DLG2: variants seen among roughly 807,000 people sequenced by gnomAD.
The protein encoded by DLG2 is disks large homolog 2.
In DLG2, 45 loss-of-function variants were observed where a neutral mutation model predicts 132.5. The observed-to-expected ratio is 0.34, with a 90% CI of 0.27 to 0.44. The LOEUF (loss-of-function observed/expected upper bound fraction) is 0.44. Among genes scored for constraint, DLG2 ranks in the 20% least tolerant of loss-of-function variants. DLG2 has a pLI of 1.00. For synonymous variants in DLG2, 424 were observed against 419.6 expected, an observed-to-expected ratio of 1.01 and a Z score of -0.13; for missense variants, 1,045 against 1,196.9, an observed-to-expected ratio of 0.87 and a Z score of 1.87.
intron 7 of DLG2, among the ~76,000 whole-genome samples, chr11:84,341,175 T>C (rs1410240357): frequency 1.3e-5 from 2 of 152,110 alleles, no homozygotes; most frequent in Non-Finnish European, 2.9e-5. Flanking sequence ...TTCCTCATTA[T>C]TGGGGGTTCT....
intron 7 of DLG2, among the ~76,000 whole-genome samples, chr11:84,419,177 A>C (rs993641038): frequency 2.6e-5 from 4 of 152,196 alleles, no homozygotes; most frequent in African/African-American, 9.6e-5. Flanking sequence ...GCAGAGAGAG[A>C]GAGAGATATT....
chr11:85,304,121 C>T (rs1030125482), intron 3 of DLG2, among the ~76,000 whole-genome samples: 2 of 152,156 alleles, frequency 1.3e-5, no homozygotes, highest in African/African-American at 4.8e-5. Flanking sequence ...CTTGTTGTTA[C>T]ACCTAGCAGA....
At chr11:83,547,447 A>G (rs775587624) in intron 19 of DLG2, among the ~76,000 whole-genome samples, 16 of 152,252 alleles carry the variant, frequency 1.1e-4, no homozygotes, top group Non-Finnish European at 2.2e-4. Flanking sequence ...TAGAAGTGGA[A>G]GAGGAAGACA....
chr11:84,269,619 A>T (rs1377132777), intron 7 of DLG2, among the ~76,000 whole-genome samples: 1 of 152,204 alleles, frequency 6.6e-6, no homozygotes, highest in Non-Finnish European at 1.5e-5. Context: ...ATACACGTTT[A>T]TATCTCTCCC....
intron 21 of DLG2, among the ~76,000 whole-genome samples, chr11:83,500,136 T>G (rs2094393410): frequency 6.6e-6 from 1 of 151,904 alleles, no homozygotes; most frequent in Admixed American, 6.6e-5. Flanking sequence ...TCACATTGCC[T>G]TAGTAACTTA....
intron 15 of DLG2, among the ~76,000 whole-genome samples, chr11:83,906,087 A>C (rs763626409): frequency 0.095 from 7,221 of 75,948 alleles, 185 homozygotes; most frequent in African/African-American, 0.14. Context: ...CTCTCTATAT[A>C]TATATATATA....
intron 3 of DLG2, among the ~76,000 whole-genome samples, chr11:85,523,843 C>A (rs1204315085): frequency 6.6e-6 from 1 of 152,124 alleles, no homozygotes; most frequent in Admixed American, 6.5e-5. Flanking sequence ...TGTCCCTCAA[C>A]AGATGAATGA....
At chr11:84,053,577 G>A (rs1290988948) in intron 11 of DLG2, among the ~76,000 whole-genome samples, 1 of 151,790 alleles carries the variant, frequency 6.6e-6, no homozygotes, top group East Asian at 1.9e-4. Context: ...GGTAATAAGA[G>A]TAAAAAGATT....
intron 3 of DLG2, among the ~76,000 whole-genome samples, chr11:85,526,294 G>C (rs968009662): frequency 2.6e-5 from 4 of 151,800 alleles, no homozygotes; most frequent in Non-Finnish European, 5.9e-5. Context: ...TCTTAAAAGA[G>C]TCAGAGGAAA....
intron 7 of DLG2, among the ~76,000 whole-genome samples, chr11:84,275,998 T>G (rs1019561100): frequency 1.3e-5 from 2 of 152,132 alleles, no homozygotes; most frequent in African/African-American, 4.8e-5. Context: ...GATTATTGTT[T>G]TGGAAGAAAT....
chr11:83,534,110 T>C (rs1174876021), intron 20 of DLG2, among the ~76,000 whole-genome samples: 1 of 152,198 alleles, frequency 6.6e-6, no homozygotes, highest in Non-Finnish European at 1.5e-5. Flanking sequence ...AATATTTCCT[T>C]GATTCTTCTG....
intron 2 of DLG2, among the ~76,000 whole-genome samples, chr11:85,621,104 A>G (rs965745850): frequency 2.6e-5 from 4 of 152,312 alleles, no homozygotes; most frequent in Middle Eastern, 3.4e-3. Context: ...ATTATGCTAA[A>G]TCTATTCTGT....
At chr11:83,485,923 C>A (rs12226167) in intron 21 of DLG2, among the ~76,000 whole-genome samples, 6,228 of 151,998 alleles carry the variant, frequency 0.041, 170 homozygotes, top group South Asian at 0.12. Context: ...ATTGTATGCC[C>A]ATTAATAAGG....
intron 3 of DLG2, among the ~76,000 whole-genome samples, chr11:85,313,181 C>T (rs188996414): frequency 6.6e-6 from 1 of 151,826 alleles, no homozygotes; most frequent in Non-Finnish European, 1.5e-5. Flanking sequence ...ACAGGTGATC[C>T]CCCTTCCTCT....
chr11:84,147,175 G>A (rs749282481), intron 9 of DLG2, among the ~76,000 whole-genome samples: 1 of 151,860 alleles, frequency 6.6e-6, no homozygotes, highest in Non-Finnish European at 1.5e-5. Context: ...CAGCCCCAGA[G>A]GTTCGGATCC....
intron 6 of DLG2, among the ~76,000 whole-genome samples, chr11:84,789,171 G>A (rs1194671177): frequency 2.6e-5 from 4 of 152,124 alleles, no homozygotes; most frequent in Non-Finnish European, 1.5e-5. Flanking sequence ...CATGATGATT[G>A]GATAGCATGT....
chr11:85,606,782 G>A (rs2080585005), intron 2 of DLG2, among the ~76,000 whole-genome samples: 2 of 151,836 alleles, frequency 1.3e-5, no homozygotes, highest in African/African-American at 4.8e-5. Context: ...AACCCACCAG[G>A]AGGAATAAAT....
At chr11:85,505,723 G>C (rs989258196) in intron 3 of DLG2, among the ~76,000 whole-genome samples, 1 of 152,162 alleles carries the variant, frequency 6.6e-6, no homozygotes, top group Non-Finnish European at 1.5e-5. Context: ...TCAGAACGAT[G>C]CTGGCCTCAT....
intron 8 of DLG2, among the ~76,000 whole-genome samples, chr11:84,228,314 G>T (rs2097036754): frequency 6.6e-6 from 1 of 152,176 alleles, no homozygotes; most frequent in Non-Finnish European, 1.5e-5. Context: ...GGGACTAATT[G>T]TTCTCAGTAC....
Sources: gnomAD v4.1 joint callset for allele counts (sites outside exome capture counted in the v4.1 genomes callset) on GRCh38, gnomAD v4.1.1 for gene constraint, MANE v1.5 for transcripts, NCBI Gene and HGNC (gene_info 2026-07-23, HGNC 2026-07-21) for gene names.